Variants in AIMP1 observed in about 807,000 individuals in gnomAD.
AIMP1 encodes the protein aminoacyl tRNA synthetase complex interacting multifunctional protein 1.
AIMP1 carries 24 observed loss-of-function variants against 33.1 expected under a neutral mutation model. The ratio of observed to expected loss-of-function variants is 0.73; its 90% CI spans 0.53 to 1.02. AIMP1 has a LOEUF of 1.02. Ranked by LOEUF, AIMP1 falls within the 50% of genes least tolerant of loss-of-function variation. The probability of loss-of-function intolerance (pLI) is 0.00; values close to 1 mark genes in which losing one functional copy is unlikely to be tolerated. For missense variants in AIMP1, 367 were observed against 364.8 expected, an observed-to-expected ratio of 1.01 and a Z score of -0.05; for synonymous variants, 120 against 121.5, an observed-to-expected ratio of 0.99 and a Z score of 0.08.
In AIMP1 at chr4:106,316,578, G is replaced by A. The variant is rs1261241402; in HGVS notation, c.-42G>A. ...TCCTGCTGTGGCTGTCTCGGAACCC[G>A]TGGTCCTCCGCTTCATGTGAGTGAC... On this transcript the variant is annotated 5_prime_UTR_variant, in exon 1 of 7. In the 5' UTR this introduces an upstream ATG that the reference lacks. Coordinates refer to ENST00000672341, the MANE Select transcript of AIMP1 (RefSeq NM_001142416.2). The A allele has an allele frequency of 2.6e-6, 4 of 1,551,614 alleles. No individual in the cohort carries two copies. The highest frequency in any genetic ancestry group is 2.6e-6 in the Non-Finnish European group (3 of 1,146,942).
At chr4:106,320,564 C>A (rs1489253504) in intron 1 of AIMP1, among the ~76,000 whole-genome samples, 4 of 151,996 alleles carry the variant, frequency 2.6e-5, no homozygotes. Context: ...GAAAAGAAAG[C>A]TATCCCTGAA....
At chr4:106,319,299 A>C (rs1769105801) in intron 1 of AIMP1, among the ~76,000 whole-genome samples, 1 of 152,168 alleles carries the variant, frequency 6.6e-6, no homozygotes. Flanking sequence ...GGGGAGGACT[A>C]CTGAGGAAAT....
At chr4:106,338,387 C>T (rs952269181) in intron 6 of AIMP1, among the ~76,000 whole-genome samples, 3 of 152,308 alleles carry the variant, frequency 2.0e-5, no homozygotes, top group African/African-American at 7.2e-5. Flanking sequence ...CCCAGGGCCC[C>T]CGTGCTGTGT....
chr4:106,334,767 A>G (rs193283429), intron 5 of AIMP1, among the ~76,000 whole-genome samples: 2 of 152,312 alleles, frequency 1.3e-5, no homozygotes, highest in East Asian at 3.9e-4. Flanking sequence ...GAAGACCTCA[A>G]AAAGAAAGTG....
chr4:106,321,728 T>A (rs929820392), intron 1 of AIMP1, among the ~76,000 whole-genome samples: 4 of 152,128 alleles, frequency 2.6e-5, no homozygotes, highest in Non-Finnish European at 4.4e-5. Flanking sequence ...CGGGCCATGA[T>A]GACGATGGCA....
At chr4:106,316,356 CG>C (rs538568279), upstream of AIMP1, 652 of 579,020 alleles carry the variant, frequency 1.1e-3, 1 homozygote, top group Non-Finnish European at 1.6e-3. Context: ...TGCGGGGGGA[CG>C]GGGGGGGTCG....
intron 3 of AIMP1, 36 bp downstream of exon 3, chr4:106,327,600 T>A: frequency 6.6e-7 from 1 of 1,524,816 alleles, no homozygotes; most frequent in East Asian, 2.3e-5. Context: ...AATCCAGAAG[T>A]TAAGAAGTTG....
intron 5 of AIMP1, 57 bp downstream of exon 5, chr4:106,331,940 T>A (rs1285057668): frequency 4.8e-6 from 7 of 1,456,400 alleles, no homozygotes; most frequent in Non-Finnish European, 6.7e-6. Context: ...ATTCCCTCCT[T>A]CTTGGTATCT....
chr4:106,343,208 C>G (rs1293519640), intron 6 of AIMP1, among the ~76,000 whole-genome samples: 2 of 152,080 alleles, frequency 1.3e-5, no homozygotes, highest in Admixed American at 1.3e-4. Flanking sequence ...AATTTGTGTG[C>G]AAAGAGATGT....
chr4:106,316,736 G>A (rs571882830), intron 1 of AIMP1, 142 bp downstream of exon 1: 2 of 710,370 alleles, frequency 2.8e-6, no homozygotes, highest in South Asian at 4.3e-5. Context: ...ACCAGCCCTG[G>A]CCTAAGGAAA....
intron 6 of AIMP1, 73 bp downstream of exon 6, chr4:106,337,110 T>A: frequency 7.6e-7 from 1 of 1,319,576 alleles, no homozygotes; most frequent in South Asian, 1.2e-5. Context: ...TGCTTAAAGG[T>A]TAAAATCAGT....
intron 5 of AIMP1, 89 bp downstream of exon 5, chr4:106,331,972 C>T: frequency 8.2e-7 from 1 of 1,215,570 alleles, no homozygotes; most frequent in Non-Finnish European, 1.2e-6. Flanking sequence ...TTTTGTATAC[C>T]ATACAACATG....
chr4:106,328,341 C>G, intron 4 of AIMP1, 98 bp downstream of exon 4: 1 of 1,387,056 alleles, frequency 7.2e-7, no homozygotes, highest in Non-Finnish European at 9.8e-7. Context: ...AAGTAAAGTT[C>G]AACTTTCATG....
At chr4:106,337,145 C>T in intron 6 of AIMP1, 108 bp downstream of exon 6, 2 of 977,478 alleles carry the variant, frequency 2.0e-6, no homozygotes, top group Non-Finnish European at 1.6e-6. Flanking sequence ...ATGAGTCTTA[C>T]ATTAATGACC....
intron 6 of AIMP1, among the ~76,000 whole-genome samples, chr4:106,337,785 G>T (rs1193130594): frequency 1.3e-5 from 2 of 152,132 alleles, no homozygotes; most frequent in African/African-American, 4.8e-5. Flanking sequence ...ATACTTTCAG[G>T]GCTCAGGAGA....
At chr4:106,337,080 T>G in intron 6 of AIMP1, 43 bp downstream of exon 6, 1 of 1,547,432 alleles carries the variant, frequency 6.5e-7, no homozygotes, top group Non-Finnish European at 8.9e-7. Flanking sequence ...CGGAATCAGT[T>G]CTCAAAGTGA....
upstream of AIMP1, chr4:106,316,458 G>C: frequency 7.7e-7 from 1 of 1,291,208 alleles, no homozygotes; most frequent in South Asian, 1.3e-5. Context: ...AAAGAATTGA[G>C]GGTTGAATCT....
In AIMP1 at chr4:106,328,135, A is replaced by G. The variant is rs377566711; in HGVS notation, c.283A>G (p.Asn95Asp). The G allele has an allele frequency of 2.5e-6, 4 of 1,613,636 alleles. No individual in the cohort carries two copies. The South Asian group carries it at 4.4e-5, about 18-fold the overall frequency. Residue 95 changes from asparagine (N) to aspartate (D), a missense_variant, in exon 4 of 7, where the codon AAT (asparagine) becomes GAT (aspartate). Asn to Asp is a conservative substitution (Grantham distance 23, BLOSUM62 1). Coordinates refer to ENST00000672341, the MANE Select transcript of AIMP1 (RefSeq NM_001142416.2). ...GCACGCTAATTCTATGGTTTCTGAA[A>G]ATGTGATACAGTCTACAGCAGTAAC... The part of the protein sequence containing the change: ...PLHANSMVSE[N>D]VIQSTAVTTV...
upstream of AIMP1, chr4:106,315,926 C>T (rs1768791548): frequency 6.5e-6 from 1 of 152,852 alleles, no homozygotes; most frequent in Admixed American, 6.5e-5. Flanking sequence ...TACCCAAATA[C>T]CTGCCTCTGA....
Sources: allele counts gnomAD v4.1 joint callset (sites outside exome capture counted in the v4.1 genomes callset), GRCh38; gene constraint gnomAD v4.1.1; transcripts MANE v1.5; gene names NCBI Gene and HGNC (gene_info 2026-07-23, HGNC 2026-07-21).